The following DTNB variants were observed in gnomAD, a reference collection of about 807,000 sequenced individuals.
DTNB encodes the protein DTN-B.
A neutral mutation model predicts 90.7 loss-of-function variants in DTNB; 63 were observed. The observed-to-expected ratio is 0.69, with a 90% confidence interval of 0.57 to 0.86. DTNB has a LOEUF of 0.86. DTNB is among the 40% of genes least tolerant of loss of function. The pLI is 0.00. For synonymous variants in DTNB, 277 were observed against 286.7 expected (o/e 0.97, Z 0.34); for missense variants, 744 against 807.1 (o/e 0.92, Z 0.95).
At chr2:25,579,023 A>G (rs1222176654) in intron 7 of DTNB, among the ~76,000 whole-genome samples, 2 of 152,198 alleles carry the variant, frequency 1.3e-5, no homozygotes, top group African/African-American at 4.8e-5. Flanking sequence ...AATATTACAA[A>G]CCATATACAT....
intron 9 of DTNB, among the ~76,000 whole-genome samples, chr2:25,491,797 T>C (rs1403047680): frequency 6.6e-6 from 1 of 151,906 alleles, no homozygotes; most frequent in African/African-American, 2.4e-5. Context: ...ATTTATTGAG[T>C]GCTTCCTATA....
chr2:25,620,898 C>T (rs1486470731), intron 4 of DTNB, among the ~76,000 whole-genome samples: 5 of 152,162 alleles, frequency 3.3e-5, no homozygotes, highest in South Asian at 2.1e-4. Context: ...TGATGGCACG[C>T]ACCCAACAGT....
intron 2 of DTNB, among the ~76,000 whole-genome samples, chr2:25,645,307 G>A (rs1382608228): frequency 6.7e-6 from 1 of 148,578 alleles, no homozygotes; most frequent in Non-Finnish European, 1.5e-5. Context: ...TGCTTGAGCT[G>A]AGATTGAGCC....
At chr2:25,581,058 T>A (rs1206536503) in intron 6 of DTNB, among the ~76,000 whole-genome samples, 1 of 152,210 alleles carries the variant, frequency 6.6e-6, no homozygotes, top group Non-Finnish European at 1.5e-5. Flanking sequence ...GTCAACTGTA[T>A]AAGGTAAACT....
intron 12 of DTNB, among the ~76,000 whole-genome samples, chr2:25,444,225 T>C (rs1364393549): frequency 1.3e-5 from 2 of 152,222 alleles, no homozygotes; most frequent in East Asian, 3.8e-4. Flanking sequence ...ATTATAGTTT[T>C]GTTTTTAAAA....
chr2:25,509,617 A>G (rs985369869), intron 9 of DTNB, among the ~76,000 whole-genome samples: 17 of 151,914 alleles, frequency 1.1e-4, no homozygotes, highest in African/African-American at 4.1e-4. Context: ...TGCTCTTCAG[A>G]AGTCAGCTCT....
intron 16 of DTNB, among the ~76,000 whole-genome samples, chr2:25,411,503 T>A (rs2046603149): frequency 6.6e-6 from 1 of 152,182 alleles, no homozygotes; most frequent in Admixed American, 6.5e-5. Context: ...CTGCCAACTC[T>A]TGCAAGGCCA....
At chr2:25,462,764 CGG>C (rs912237977) in intron 10 of DTNB, among the ~76,000 whole-genome samples, 1 of 151,422 alleles carries the variant, frequency 6.6e-6, no homozygotes, top group Non-Finnish European at 1.5e-5. Context: ...AGTGCAGTGG[CGG>C]GATCTCGGCT....
chr2:25,600,120 G>C (rs1208111571), intron 5 of DTNB, among the ~76,000 whole-genome samples: 1 of 152,068 alleles, frequency 6.6e-6, no homozygotes, highest in African/African-American at 2.4e-5. Context: ...ATAGCTGCTA[G>C]TCTTACAAGG....
intron 8 of DTNB, among the ~76,000 whole-genome samples, chr2:25,539,346 T>C (rs1275777632): frequency 6.6e-6 from 1 of 152,226 alleles, no homozygotes; most frequent in Non-Finnish European, 1.5e-5. Context: ...TAATTTCCAC[T>C]CTCATCAGCT....
At chr2:25,659,093 A>G (rs2082641499) in intron 1 of DTNB, among the ~76,000 whole-genome samples, 1 of 152,110 alleles carries the variant, frequency 6.6e-6, no homozygotes, top group Non-Finnish European at 1.5e-5. Context: ...ATGCAATTAA[A>G]AAAAAAATCA....
intron 8 of DTNB, among the ~76,000 whole-genome samples, chr2:25,568,892 G>A (rs1034762807): frequency 6.6e-6 from 1 of 152,238 alleles, no homozygotes; most frequent in African/African-American, 2.4e-5. Context: ...GCAGAAGTGA[G>A]GCTGCACTCC....
intron 3 of DTNB, among the ~76,000 whole-genome samples, chr2:25,634,470 G>A (rs1355147981): frequency 4.1e-5 from 6 of 147,320 alleles, no homozygotes; most frequent in African/African-American, 1.2e-4. Context: ...TCGCCCCGTC[G>A]GGGAGGTGAG....
intron 8 of DTNB, among the ~76,000 whole-genome samples, chr2:25,544,310 C>T (rs771782691): frequency 2.0e-5 from 3 of 152,148 alleles, no homozygotes; most frequent in African/African-American, 7.2e-5. Context: ...CCAGGCACTG[C>T]GATACTCTGC....
intron 8 of DTNB, among the ~76,000 whole-genome samples, chr2:25,556,770 G>C (rs887159718): frequency 1.2e-4 from 19 of 152,240 alleles, no homozygotes; most frequent in African/African-American, 4.3e-4. Context: ...TACAGAGGTT[G>C]GTAAGGGAAA....
At chr2:25,482,982 G>T in intron 9 of DTNB, 109 bp from the exon 10 acceptor site, 1 of 1,129,788 alleles carries the variant, frequency 8.9e-7, no homozygotes. Flanking sequence ...TTCGCGGTAA[G>T]CACAGACGGA....
chr2:25,543,254 T>C (rs1242293717), intron 8 of DTNB, among the ~76,000 whole-genome samples: 2 of 152,136 alleles, frequency 1.3e-5, no homozygotes, highest in East Asian at 1.9e-4. Flanking sequence ...TCTGTGTCCT[T>C]ATTTTTTGGC....
At chr2:25,662,258 G>A (rs184727096) in intron 1 of DTNB, among the ~76,000 whole-genome samples, 12 of 151,972 alleles carry the variant, frequency 7.9e-5, no homozygotes, top group African/African-American at 2.9e-4. Flanking sequence ...TGCTTATGAT[G>A]ATATTGTTTC....
At chr2:25,491,476 T>C (rs1214293343) in intron 9 of DTNB, among the ~76,000 whole-genome samples, 1 of 152,206 alleles carries the variant, frequency 6.6e-6, no homozygotes, top group African/African-American at 2.4e-5. Flanking sequence ...TTGTTGCCCA[T>C]GAGTCAGCAC....
Sources: allele counts gnomAD v4.1 joint callset (sites outside exome capture counted in the v4.1 genomes callset), GRCh38; gene constraint gnomAD v4.1.1; transcripts MANE v1.5; gene names NCBI Gene and HGNC (gene_info 2026-07-23, HGNC 2026-07-21).